Variants in LAMB1 observed in about 807,000 individuals in gnomAD.
LAMB1 encodes laminin subunit beta 1.
In LAMB1, 121 loss-of-function variants were observed where a neutral mutation model predicts 222.3. That is an observed-to-expected ratio of 0.54 (90% CI 0.47 to 0.63). LAMB1 has a LOEUF of 0.63. LAMB1 is among the 30% of genes least tolerant of loss of function. The pLI is 0.00. For missense variants in LAMB1, 2,172 were observed against 2,240.8 expected (o/e 0.97, Z 0.62); for synonymous variants, 794 against 807.2 (o/e 0.98, Z 0.28).
intron 9 of LAMB1, 111 bp downstream of exon 9, chr7:107,977,936 A>G: frequency 1.6e-6 from 2 of 1,215,968 alleles, no homozygotes; most frequent in Non-Finnish European, 2.3e-6. Flanking sequence ...TGGAAAAAAG[A>G]CAGTAACTTT....
At position 107,923,880 on chromosome 7, in the gene LAMB1, G is replaced by T; in HGVS notation, c.*71C>A. The T allele has an allele frequency of 1.5e-6, 2 of 1,336,686 alleles. No individual in the cohort carries two copies. The highest frequency in any genetic ancestry group is 1.0e-6 in the Non-Finnish European group (1 of 966,094). 82.8% of individuals were successfully genotyped at this position (1,336,686 alleles called of 1,614,324 possible). On this transcript the variant is annotated 3_prime_UTR_variant, in exon 34 of 34. Transcript: ENST00000222399. ...TAAATAGGTGATGTTTTATTTTGAA[G>T]AGCATTAAGTCAGTTTTTAAAATGT...
At chr7:107,926,644 C>G (rs1370219639) in intron 31 of LAMB1, among the ~76,000 whole-genome samples, 1 of 152,068 alleles carries the variant, frequency 6.6e-6, no homozygotes, top group African/African-American at 2.4e-5. Context: ...CCCCACCTCC[C>G]CAAGGAGCAT....
At chr7:107,926,072 T>G in intron 32 of LAMB1, 111 bp downstream of exon 32, 1 of 768,142 alleles carries the variant, frequency 1.3e-6, no homozygotes, top group Non-Finnish European at 2.2e-6. Flanking sequence ...ATTTGATATT[T>G]CTGATGAATT....
intron 17 of LAMB1, among the ~76,000 whole-genome samples, 167 bp downstream of exon 17, chr7:107,961,039 A>T (rs773811782): frequency 2.0e-5 from 3 of 152,178 alleles, no homozygotes; most frequent in Admixed American, 6.5e-5. Flanking sequence ...TAGAAGGAAT[A>T]AATCCTTTCC....
chr7:107,951,154 C>T, intron 24 of LAMB1, 72 bp downstream of exon 24: 1 of 1,086,184 alleles, frequency 9.2e-7, no homozygotes, highest in Non-Finnish European at 1.4e-6. Context: ...TTATAATTTA[C>T]AGAAGGCTCT....
At position 107,950,310 on chromosome 7, in the gene LAMB1, A is replaced by G. The variant is rs1174640597; in HGVS notation, c.3391+916T>C. Among the ~76,000 whole-genome samples the G allele has an allele frequency of 5.9e-5, 9 of 152,240 alleles. 1 individual carries two copies. In the East Asian group the frequency reaches 1.7e-3, roughly 29 times the overall value. On this transcript the variant is annotated intron_variant, in intron 24 of 33. Coordinates refer to ENST00000222399, the MANE Select transcript of LAMB1 (RefSeq NM_002291.3). ...AAATATACGAAAGAGCACTTAAGAA[A>G]CTACAGAAAATTTTTATCCATAATG...
chr7:107,929,993 C>G (rs1433077388), intron 29 of LAMB1: 1 of 237,228 alleles, frequency 4.2e-6, no homozygotes, highest in African/African-American at 2.3e-5. Flanking sequence ...CAGAGTGAAT[C>G]TGAACATTGT....
At chr7:107,993,128 T>C (rs746611290) in intron 5 of LAMB1, among the ~76,000 whole-genome samples, 13 of 152,210 alleles carry the variant, frequency 8.5e-5, no homozygotes, top group Non-Finnish European at 1.8e-4. Context: ...ACCAGTGTGA[T>C]AACTTGTACC....
intron 4 of LAMB1, among the ~76,000 whole-genome samples, chr7:107,995,829 A>G (rs529396742): frequency 6.6e-6 from 1 of 152,306 alleles, no homozygotes. Context: ...AGAAGTCTTA[A>G]ATGCGGAAAG....
At chr7:107,933,574 G>A (rs2032762600) in intron 27 of LAMB1, among the ~76,000 whole-genome samples, 1 of 151,036 alleles carries the variant, frequency 6.6e-6, no homozygotes, top group Admixed American at 6.6e-5. Context: ...TAGAAGATCT[G>A]TTTTGTTTCA....
In LAMB1 at chr7:107,935,596, T is replaced by A. The variant is rs2032829683; in HGVS notation, c.4007A>T (p.Asn1336Ile). The A allele has an allele frequency of 2.5e-6, 4 of 1,613,860 alleles. No individual in the cohort carries two copies. The highest frequency in any genetic ancestry group is 3.3e-5 in the Admixed American group (2 of 59,986). Reference protein sequence around the residue: ...QMSLEAEERVNASTTEPNSTV... With the variant: ...QMSLEAEERVIASTTEPNSTV... ...GCTGTTGGGTTCTGTGGTGGAGGCA[T>A]TCACCCTCTCCTCTGCCTCAAGAGA... The change falls in exon 27 of 34, where the codon AAT becomes ATT. Residue 1336 changes from asparagine to isoleucine, a missense_variant. Transcript: ENST00000222399.
At chr7:107,984,508 A>G (rs1426538759) in intron 7 of LAMB1, among the ~76,000 whole-genome samples, 1 of 152,200 alleles carries the variant, frequency 6.6e-6, no homozygotes, top group Non-Finnish European at 1.5e-5. Flanking sequence ...TTGGCCTCCC[A>G]AAGTGCTGGG....
chr7:107,926,120 G>A, intron 32 of LAMB1, 63 bp downstream of exon 32: 4 of 1,305,294 alleles, frequency 3.1e-6, no homozygotes, highest in Non-Finnish European at 4.4e-6. Context: ...CTCTAAGGCA[G>A]GCAAGGAGGA....
chr7:108,002,478 C>T (rs539746561), intron 2 of LAMB1: 2 of 1,229,998 alleles, frequency 1.6e-6, no homozygotes, highest in South Asian at 1.5e-5. Context: ...CTCAGGCACT[C>T]TCCTGGGCAA....
Position 108,001,665 on chromosome 7 carries a change from A to G in LAMB1, c.106T>C (p.Tyr36His). The G allele has an allele frequency of 6.2e-7, 1 of 1,612,626 alleles. No homozygotes were observed. Among genetic ancestry groups the G allele is most frequent in the South Asian group, 1.1e-5 (1 of 90,910 alleles). The change falls in exon 3 of 34, where the codon TAT becomes CAT. Residue 36 changes from tyrosine to histidine, a missense_variant. Transcript: ENST00000222399. ...FSYGCAEGSCYPATGDLLIGR... is the reference protein window; with the variant it reads ...FSYGCAEGSCHPATGDLLIGR... ...ATGAGAAGGTCGCCCGTGGCGGGAT[A>G]GCAGCTGCCTTCTGCGCAGCCGTAG... is the stretch of plus-strand genomic sequence containing the variant.
chr7:107,996,766 C>T (rs2034288737), intron 4 of LAMB1, among the ~76,000 whole-genome samples: 1 of 152,206 alleles, frequency 6.6e-6, no homozygotes, highest in African/African-American at 2.4e-5. Flanking sequence ...AGAACTACAG[C>T]ACATGATAAA....
chr7:107,987,564 G>C (rs574608843), intron 5 of LAMB1, among the ~76,000 whole-genome samples: 26 of 152,124 alleles, frequency 1.7e-4, no homozygotes, highest in Non-Finnish European at 1.2e-4. Flanking sequence ...GCAGTGGCAC[G>C]ATCTCAGTTC....
intron 9 of LAMB1, among the ~76,000 whole-genome samples, chr7:107,977,323 G>A (rs73422815): frequency 0.083 from 12,555 of 152,084 alleles, 921 homozygotes; most frequent in African/African-American, 0.2. Flanking sequence ...TGGTGTTGCC[G>A]GCTACATCTC....
chr7:107,941,268 G>A (rs573207106), intron 24 of LAMB1, among the ~76,000 whole-genome samples: 1 of 152,320 alleles, frequency 6.6e-6, no homozygotes, highest in South Asian at 2.1e-4. Context: ...CAAATTTCAG[G>A]TGACCAAATC....
Sources: allele counts gnomAD v4.1 joint callset (sites outside exome capture counted in the v4.1 genomes callset), GRCh38; gene constraint gnomAD v4.1.1; transcripts MANE v1.5; gene names NCBI Gene and HGNC (gene_info 2026-07-23, HGNC 2026-07-21).